LRRC49: variants seen among roughly 807,000 people sequenced by gnomAD.
The protein encoded by LRRC49 is leucine rich repeat containing 49.
LRRC49 carries 50 observed loss-of-function variants against 83.3 expected under a neutral mutation model. The ratio of observed to expected loss-of-function variants is 0.60; its 90% CI spans 0.48 to 0.76. The LOEUF is 0.76. LRRC49 is among the 30% of genes least tolerant of loss of function. The probability of loss-of-function intolerance (pLI) is 0.00; values close to 1 mark genes in which losing one functional copy is unlikely to be tolerated. For missense variants in LRRC49, 704 were observed against 809.1 expected (o/e 0.87, Z 1.58); for synonymous variants, 286 against 283.3 (o/e 1.01, Z -0.10).
rs979948901 is a variant in LRRC49, at chr15:70,984,231, CCT to C, written c.1148_1149del (p.Ser383CysfsTer29). On this transcript the variant is annotated frameshift_variant, in exon 11 of 16. Transcript: ENST00000260382. LOFTEE classifies it high-confidence loss of function. ...ACCCCTGTCAGATTGATGGAAGCAC[CCT>C]CTCTGCATTCCCAGAGGAAACAGGG... ...QDPCQIDGST[L>X]SAFPEETGPL... The C allele has an allele frequency of 6.2e-7, 1 of 1,612,224 alleles. No individual in the cohort carries two copies. The highest frequency in any genetic ancestry group is 1.3e-5 in the African/African-American group (1 of 74,802).
intron 15 of LRRC49, among the ~76,000 whole-genome samples, chr15:71,047,584 G>A (rs1204856532): frequency 6.6e-6 from 1 of 152,168 alleles, no homozygotes; most frequent in Non-Finnish European, 1.5e-5. Context: ...TTTTGGCAGA[G>A]TCTTTAGGAT....
intron 8 of LRRC49, among the ~76,000 whole-genome samples, chr15:70,938,226 G>A (rs1297893084): frequency 6.6e-6 from 1 of 152,028 alleles, no homozygotes; most frequent in Admixed American, 6.6e-5. Flanking sequence ...GTAGGAAGTT[G>A]GTTTTGGTTG....
At chr15:70,891,895 A>T (rs1275049852), upstream of LRRC49, 2 of 1,612,714 alleles carry the variant, frequency 1.2e-6, no homozygotes, top group Non-Finnish European at 1.7e-6. Flanking sequence ...AGGAGACTGG[A>T]CCTGGGGCAG....
chr15:70,933,595 T>C (rs2035492246), intron 7 of LRRC49, among the ~76,000 whole-genome samples: 1 of 152,222 alleles, frequency 6.6e-6, no homozygotes, highest in Admixed American at 6.5e-5. Flanking sequence ...TGCTGGCTCC[T>C]GCAGAGTACC....
intron 1 of LRRC49, among the ~76,000 whole-genome samples, chr15:70,857,209 C>T (rs1348816137): frequency 1.3e-5 from 2 of 152,188 alleles, no homozygotes; most frequent in African/African-American, 4.8e-5. Context: ...AGGAAAAACT[C>T]AACCCTAGAA....
intron 8 of LRRC49, among the ~76,000 whole-genome samples, chr15:70,958,009 C>G (rs141046336): frequency 2.0e-5 from 3 of 151,866 alleles, no homozygotes; most frequent in Middle Eastern, 3.4e-3. Context: ...GAGTATGTAC[C>G]CTTGTAACCA....
intron 7 of LRRC49, among the ~76,000 whole-genome samples, chr15:70,927,946 G>T (rs1370158817): frequency 1.3e-5 from 2 of 152,184 alleles, no homozygotes; most frequent in Non-Finnish European, 2.9e-5. Flanking sequence ...ACCATGCCCA[G>T]CCAGTCATCC....
At chr15:70,936,906 G>C (rs2035619832) in intron 8 of LRRC49, 84 bp downstream of exon 8, 1 of 859,054 alleles carries the variant, frequency 1.2e-6, no homozygotes, top group African/African-American at 1.7e-5. Context: ...TAAATACCTT[G>C]GAGAATTTTA....
At chr15:70,867,288 G>C (rs952356533) in intron 1 of LRRC49, among the ~76,000 whole-genome samples, 2 of 152,124 alleles carry the variant, frequency 1.3e-5, no homozygotes, top group African/African-American at 2.4e-5. Context: ...CAAGAGCATA[G>C]AGAAGAAAAG....
At chr15:70,963,958 C>A (rs1394294069) in intron 9 of LRRC49, 26 bp downstream of exon 9, 1 of 1,603,704 alleles carries the variant, frequency 6.2e-7, no homozygotes, top group Non-Finnish European at 8.5e-7. Context: ...AAGTGTTCAC[C>A]ATGTTGTTGT....
At chr15:70,901,077 T>G in intron 4 of LRRC49, 53 bp downstream of exon 4, 1 of 1,050,222 alleles carries the variant, frequency 9.5e-7, no homozygotes, top group Admixed American at 2.1e-5. Flanking sequence ...TACATAGACG[T>G]GGTACAAGAC....
In LRRC49 at chr15:70,892,856, G is replaced by A. The variant is rs761870500; in HGVS notation, c.-39G>A. 3.1e-6 allele frequency: 5 copies of A among 1,614,190 alleles called. No individual in the cohort carries two copies. The South Asian group carries it at 4.4e-5, about 14-fold the overall frequency. ...TGAATCTCCGCTGTAGCGTCACCTGGAAGGCAGATCTAACAGAGAACCTGG... is the reference window on the plus strand; with the variant it reads ...TGAATCTCCGCTGTAGCGTCACCTGAAAGGCAGATCTAACAGAGAACCTGG... On this transcript the variant is annotated 5_prime_UTR_variant, in exon 1 of 16. Coordinates refer to ENST00000260382, the MANE Select transcript of LRRC49 (RefSeq NM_017691.5).
chr15:70,998,097 C>T (rs2038135267), intron 11 of LRRC49, among the ~76,000 whole-genome samples: 1 of 152,130 alleles, frequency 6.6e-6, no homozygotes. Flanking sequence ...CTGTTTAACT[C>T]TACTCCCTTT....
rs913144199 is a variant in LRRC49, at chr15:70,859,877, G to A, written c.-299+6408G>A. 8.2e-5 allele frequency: 63 copies of A among 768,812 alleles called. No homozygotes were observed. In the African/African-American group the frequency reaches 1.0e-3, roughly 12 times the overall value. 47.6% of individuals were successfully genotyped at this position (768,812 alleles called of 1,614,324 possible). Reference sequence around the variant, plus strand: ...CAAGCTGGCCTTGGGCATCAAAACTGCCACCTACAGGAAGCTGCTGGAGGG... The same window carrying A: ...CAAGCTGGCCTTGGGCATCAAAACTACCACCTACAGGAAGCTGCTGGAGGG... On this transcript the variant is annotated intron_variant, in intron 1 of 16. Coordinates refer to the LRRC49 transcript ENST00000544974.
At chr15:70,862,577 CAAAA>C (rs10623501) in intron 1 of LRRC49, among the ~76,000 whole-genome samples, 20 of 61,740 alleles carry the variant, frequency 3.2e-4, no homozygotes, top group East Asian at 2.1e-3. Flanking sequence ...GACTCCGTCT[CAAAA>C]AAAAAAAAAA....
chr15:71,017,656 GAT>G (rs2038868064), intron 14 of LRRC49, among the ~76,000 whole-genome samples: 1 of 152,052 alleles, frequency 6.6e-6, no homozygotes, highest in South Asian at 2.1e-4. Flanking sequence ...AAAATAATGC[GAT>G]GTCATTTTTG....
At chr15:70,980,009 C>A in intron 9 of LRRC49, 92 bp from the exon 10 acceptor site, 2 of 732,306 alleles carry the variant, frequency 2.7e-6, no homozygotes, top group South Asian at 2.0e-5. Context: ...CTATGCCTCT[C>A]AAGAAGAAAA....
chr15:70,990,241 A>C (rs542415244), intron 11 of LRRC49, among the ~76,000 whole-genome samples: 2 of 152,288 alleles, frequency 1.3e-5, no homozygotes, highest in South Asian at 4.2e-4. Flanking sequence ...CCAGAGGTGG[A>C]GCCTACAGAG....
chr15:70,980,496 G>A (rs2037360810), intron 10 of LRRC49, among the ~76,000 whole-genome samples: 1 of 150,994 alleles, frequency 6.6e-6, no homozygotes, highest in Non-Finnish European at 1.5e-5. Flanking sequence ...TGTATCCCAT[G>A]GCCTATTCAC....
Sources: gnomAD v4.1 joint callset for allele counts (sites outside exome capture counted in the v4.1 genomes callset) on GRCh38, gnomAD v4.1.1 for gene constraint, MANE v1.5 for transcripts, NCBI Gene and HGNC (gene_info 2026-07-23, HGNC 2026-07-21) for gene names.